Variants in PTPRG observed in about 807,000 individuals in gnomAD.
PTPRG encodes the protein receptor-type tyrosine-protein phosphatase gamma.
In PTPRG, 102 loss-of-function variants were observed where a neutral mutation model predicts 165.3. The observed-to-expected ratio is 0.62, with a 90% CI of 0.53 to 0.73. The LOEUF is 0.73. PTPRG is among the 30% of genes least tolerant of loss of function. PTPRG has a pLI of 0.00. For missense variants in PTPRG, 1,866 were observed against 1,861.4 expected, an observed-to-expected ratio of 1.00 and a Z score of -0.05; for synonymous variants, 675 against 669.5, an observed-to-expected ratio of 1.01 and a Z score of -0.13.
At chr3:61,916,661 T>C (rs559756550) in intron 2 of PTPRG, among the ~76,000 whole-genome samples, 2 of 152,358 alleles carry the variant, frequency 1.3e-5, no homozygotes, top group African/African-American at 4.8e-5. Flanking sequence ...TATATGTTTT[T>C]AATTGCTTGC....
chr3:62,296,064 A>C lies in PTPRG; in HGVS notation c.*2757A>C, dbSNP rs1703052430. On this transcript the variant is annotated 3_prime_UTR_variant, in exon 30 of 30. Coordinates refer to ENST00000474889, the MANE Select transcript of PTPRG (RefSeq NM_002841.4). ...AAGCAAAATGCACACATCATATAAAAATAAATTGCAATGATCAGACCAAGT... is the reference window on the plus strand; with the variant it reads ...AAGCAAAATGCACACATCATATAAACATAAATTGCAATGATCAGACCAAGT... 6.6e-6 allele frequency: 1 copy of C among 152,116 alleles called. No individual in the cohort carries two copies. Among genetic ancestry groups the C allele is most frequent in the Admixed American group, 6.6e-5 (1 of 15,248 alleles). 9.4% of individuals were successfully genotyped at this position (152,116 alleles called of 1,614,324 possible).
At chr3:61,683,365 G>A (rs1444239360) in intron 1 of PTPRG, among the ~76,000 whole-genome samples, 1 of 152,230 alleles carries the variant, frequency 6.6e-6, no homozygotes, top group East Asian at 1.9e-4. Context: ...AGCTGTTGCT[G>A]TGGATTGGCC....
At chr3:61,844,283 T>C (rs1559644852) in intron 2 of PTPRG, among the ~76,000 whole-genome samples, 1 of 152,174 alleles carries the variant, frequency 6.6e-6, no homozygotes, top group Non-Finnish European at 1.5e-5. Flanking sequence ...TCTGTTTTTA[T>C]ATTTGTATTG....
chr3:61,888,626 C>T (rs1559671331), intron 2 of PTPRG, among the ~76,000 whole-genome samples: 1 of 151,870 alleles, frequency 6.6e-6, no homozygotes, highest in Non-Finnish European at 1.5e-5. Context: ...CCACAGTACC[C>T]AGCCAAAAAA....
chr3:61,986,502 T>G lies in PTPRG; in HGVS notation c.191-3123T>G, dbSNP rs563179300. Reference sequence around the variant, plus strand: ...GAATTCATTAAAAAGGATATATTTGTCATCACATGTTGAATGAGAAACACT... The same window carrying G: ...GAATTCATTAAAAAGGATATATTTGGCATCACATGTTGAATGAGAAACACT... On this transcript the variant is annotated intron_variant, in intron 2 of 29. Coordinates refer to ENST00000474889, the MANE Select transcript of PTPRG (RefSeq NM_002841.4). Among the ~76,000 whole-genome samples the G allele has an allele frequency of 1.4e-4, 21 of 152,328 alleles. 1 individual carries two copies. In the South Asian group the frequency reaches 3.9e-3, roughly 29 times the overall value.
In PTPRG at chr3:61,896,735, T is replaced by C. The variant is rs548087198; in HGVS notation, c.191-92890T>C. Among the ~76,000 whole-genome samples the C allele has an allele frequency of 3.3e-5, 5 of 152,308 alleles. No individual in the cohort carries two copies. The South Asian group carries it at 8.3e-4, about 25-fold the overall frequency. Reference sequence around the variant, plus strand: ...ATTTGATATTGATATTGATACTGATTTTTAATTTTTTACTTTAGCCTTTTG... The same window carrying C: ...ATTTGATATTGATATTGATACTGATCTTTAATTTTTTACTTTAGCCTTTTG... On this transcript the variant is annotated intron_variant, in intron 2 of 29. Transcript: ENST00000474889.
chr3:61,756,311 CAAATTGTAGAAT>C (rs2033632899), intron 2 of PTPRG, among the ~76,000 whole-genome samples: 1 of 152,138 alleles, frequency 6.6e-6, no homozygotes, highest in Admixed American at 6.6e-5. Flanking sequence ...AGATAGAGAA[CAAATTGTAGAAT>C]AAACTGTTTC....
At chr3:61,706,376 A>AT (rs61392463) in intron 1 of PTPRG, among the ~76,000 whole-genome samples, 2,709 of 147,262 alleles carry the variant, frequency 0.018, 66 homozygotes, top group African/African-American at 0.054. Context: ...AGGAAGCTGT[A>AT]TTTTTTTTTT....
intron 1 of PTPRG, among the ~76,000 whole-genome samples, chr3:61,600,184 A>G (rs1352792692): frequency 8.7e-4 from 85 of 97,430 alleles, no homozygotes; most frequent in African/African-American, 2.7e-3. Flanking sequence ...ATATATATAT[A>G]TATATATATG....
At chr3:62,074,602 T>C (rs553316479) in intron 4 of PTPRG, among the ~76,000 whole-genome samples, 2 of 152,194 alleles carry the variant, frequency 1.3e-5, no homozygotes, top group South Asian at 4.2e-4. Context: ...GGACCTCCCA[T>C]AGTGCTGGGG....
intron 5 of PTPRG, among the ~76,000 whole-genome samples, chr3:62,106,767 T>A (rs966333468): frequency 2.6e-5 from 4 of 152,186 alleles, no homozygotes; most frequent in Non-Finnish European, 5.9e-5. Context: ...CAGTCTTGTG[T>A]TTCATCTGGC....
At chr3:61,884,619 A>G (rs1259550438) in intron 2 of PTPRG, among the ~76,000 whole-genome samples, 2 of 152,232 alleles carry the variant, frequency 1.3e-5, no homozygotes, top group East Asian at 1.9e-4. Flanking sequence ...CAGTTTACAC[A>G]GAGACTTCCG....
At chr3:62,025,921 T>C (rs2041793939) in intron 4 of PTPRG, among the ~76,000 whole-genome samples, 1 of 152,244 alleles carries the variant, frequency 6.6e-6, no homozygotes, top group Non-Finnish European at 1.5e-5. Flanking sequence ...GATACATTTC[T>C]AATCACAAGT....
At chr3:62,278,161 C>T (rs1395733709) in intron 26 of PTPRG, among the ~76,000 whole-genome samples, 1 of 152,072 alleles carries the variant, frequency 6.6e-6, no homozygotes, top group East Asian at 1.9e-4. Flanking sequence ...CAAGAGAGCA[C>T]ACACAAGTAA....
chr3:61,719,003 G>A (rs1318224362), intron 1 of PTPRG, among the ~76,000 whole-genome samples: 1 of 152,070 alleles, frequency 6.6e-6, no homozygotes, highest in Admixed American at 6.5e-5. Context: ...ATCAAGAATG[G>A]TACATATACC....
intron 2 of PTPRG, among the ~76,000 whole-genome samples, chr3:61,899,175 G>C (rs574924401): frequency 3.3e-5 from 5 of 152,256 alleles, no homozygotes; most frequent in South Asian, 2.1e-4. Flanking sequence ...CTCTGGGTGG[G>C]TTAAATGAAA....
At position 61,562,327 on chromosome 3, in the gene PTPRG, C is replaced by T. The variant is rs77802872; in HGVS notation, c.40C>T (p.Leu14=). 4,074 of 1,613,682 alleles carry T rather than the reference C, an allele frequency of 2.5e-3. 84 individuals carry two copies. In the African/African-American group the frequency reaches 0.048, roughly 19 times the overall value. The change falls in exon 1 of 30, where the codon CTG becomes TTG. Residue 14 remains leucine, a synonymous_variant. Transcript: ENST00000474889. The part of the protein sequence containing the change: ...LLEPCWWILF[L]KITSSVLHYV... ...GGAACCGTGTTGGTGGATTTTGTTC[C>T]TGAAAATCACCAGTTCCGTGCTCCA...
Position 61,672,930 on chromosome 3 carries a change from C to A in PTPRG, c.86-75948C>A, listed in dbSNP as rs533919886. Reference sequence around the variant, plus strand: ...ATCCTAGCACCTTGGGAGGCCAAGGCAGGAGGATTCTTGATTGGCCCAGGA... The same window carrying A: ...ATCCTAGCACCTTGGGAGGCCAAGGAAGGAGGATTCTTGATTGGCCCAGGA... On this transcript the variant is annotated intron_variant, in intron 1 of 29. Coordinates refer to ENST00000474889, the MANE Select transcript of PTPRG (RefSeq NM_002841.4). 3.3e-5 allele frequency among the ~76,000 whole-genome samples: 5 copies of A among 152,168 alleles called. No homozygotes were observed. In the East Asian group the frequency reaches 9.7e-4, roughly 30 times the overall value.
intron 1 of PTPRG, among the ~76,000 whole-genome samples, chr3:61,682,277 A>G (rs1026715106): frequency 5.9e-5 from 9 of 152,000 alleles, no homozygotes; most frequent in Admixed American, 1.3e-4. Context: ...TGATAATTCT[A>G]CTATGATTAT....
Sources: gnomAD v4.1 joint callset for allele counts (sites outside exome capture counted in the v4.1 genomes callset) on GRCh38, gnomAD v4.1.1 for gene constraint, MANE v1.5 for transcripts, NCBI Gene and HGNC (gene_info 2026-07-23, HGNC 2026-07-21) for gene names.